The following ETV5 variants were observed in gnomAD, a reference collection of about 807,000 sequenced individuals.
The protein encoded by ETV5 is ETS variant transcription factor 5.
In ETV5, 10 loss-of-function variants were observed where a neutral mutation model predicts 70.0. The observed-to-expected ratio is 0.14, with a 90% CI of 0.09 to 0.24. ETV5 has a LOEUF of 0.24. Among genes scored for constraint, ETV5 ranks in the 10% least tolerant of loss-of-function variants. The pLI is 1.00. For missense variants in ETV5, 453 were observed against 651.2 expected, an observed-to-expected ratio of 0.70 and a Z score of 3.31; for synonymous variants, 216 against 242.2, an observed-to-expected ratio of 0.89 and a Z score of 1.01.
chr3:186,049,587 C>A (rs1013999454), intron 12 of ETV5, among the ~76,000 whole-genome samples: 1 of 152,152 alleles, frequency 6.6e-6, no homozygotes. Flanking sequence ...ACCCAATAAT[C>A]GGCTTCTGTC....
Position 186,064,448 on chromosome 3 carries a change from C to T in ETV5, c.939G>A (p.Met313Ile), listed in dbSNP as rs960183955. The change falls in exon 9 of 13, where the codon ATG becomes ATA. Residue 313 changes from methionine (M) to isoleucine (I), a missense_variant. Physicochemically the swap from Met to Ile is conservative, Grantham distance 10. Transcript: ENST00000306376. ...SEVPNCQSSY[M>I]RGGYFSSSHE... ...GGCTGCTGGAGAAATAACCCCCTCT[C>T]ATGTAGGATGACTGGCAGTTAGGCA... is the stretch of plus-strand genomic sequence containing the variant. 6 of 1,614,038 alleles carry T rather than the reference C, an allele frequency of 3.7e-6. No individual in the cohort carries two copies. The African/African-American group carries it at 8.0e-5, about 22-fold the overall frequency.
At chr3:186,064,903 C>T (rs531499759) in intron 8 of ETV5, among the ~76,000 whole-genome samples, 3 of 152,178 alleles carry the variant, frequency 2.0e-5, no homozygotes, top group African/African-American at 7.2e-5. Context: ...CTCCCCTTTA[C>T]TGCTGGTGGT....
At chr3:186,049,676 T>TGA (rs1712977629) in intron 12 of ETV5, among the ~76,000 whole-genome samples, 1 of 152,224 alleles carries the variant, frequency 6.6e-6, no homozygotes, top group African/African-American at 2.4e-5. Context: ...TGCAAACTGT[T>TGA]GAGTTTAATC....
intron 5 of ETV5, among the ~76,000 whole-genome samples, chr3:186,087,191 C>T (rs1159850939): frequency 2.6e-5 from 4 of 152,138 alleles, no homozygotes; most frequent in Admixed American, 2.6e-4. Flanking sequence ...TGCAATTATG[C>T]TTAACAACAT....
rs555039083 is a variant in ETV5, at chr3:186,046,540, T to C, written c.*2099A>G. On this transcript the variant is annotated 3_prime_UTR_variant, in exon 13 of 13. Coordinates refer to ENST00000306376, the MANE Select transcript of ETV5 (RefSeq NM_004454.3). ...CCATCCGGGAGGTGCATGAGTCCAA[T>C]GGGAATGCAACCGTGATGCCGCTGT... The C allele has an allele frequency of 3.1e-4, 72 of 231,468 alleles. No homozygotes were observed. The highest frequency in any genetic ancestry group is 2.6e-3 in the Middle Eastern group (2 of 776). 14.3% of individuals were successfully genotyped at this position (231,468 alleles called of 1,614,324 possible).
intron 5 of ETV5, among the ~76,000 whole-genome samples, chr3:186,082,672 G>C (rs969088310): frequency 3.9e-5 from 6 of 152,110 alleles, no homozygotes; most frequent in African/African-American, 1.4e-4. Flanking sequence ...ACCCACCTTG[G>C]CCTCCCAAAG....
intron 7 of ETV5, chr3:186,079,338 T>C: frequency 4.3e-6 from 1 of 229,974 alleles, no homozygotes; most frequent in East Asian, 6.3e-5. Flanking sequence ...GATGTACAAA[T>C]AAGGTCCTTA....
intron 1 of ETV5, chr3:186,108,588 C>T: frequency 1.6e-6 from 2 of 1,235,700 alleles, no homozygotes; most frequent in South Asian, 1.4e-5. Context: ...CTCCAAGTCC[C>T]CTCGGGGCTC....
At chr3:186,097,040 G>A (rs1714320553) in intron 5 of ETV5, among the ~76,000 whole-genome samples, 1 of 152,146 alleles carries the variant, frequency 6.6e-6, no homozygotes, top group Non-Finnish European at 1.5e-5. Flanking sequence ...AATCAATCAA[G>A]GCTGGATGCT....
At chr3:186,087,565 T>C (rs929418103) in intron 5 of ETV5, among the ~76,000 whole-genome samples, 1 of 152,196 alleles carries the variant, frequency 6.6e-6, no homozygotes, top group African/African-American at 2.4e-5. Flanking sequence ...TTTTAGAAAA[T>C]CTTTCTTCTG....
chr3:186,079,649 T>C (rs948632168), intron 7 of ETV5, among the ~76,000 whole-genome samples, 168 bp downstream of exon 7: 1 of 152,224 alleles, frequency 6.6e-6, no homozygotes, highest in Non-Finnish European at 1.5e-5. Flanking sequence ...CAGGGTGGTA[T>C]ATAAACAGTC....
intron 5 of ETV5, among the ~76,000 whole-genome samples, chr3:186,086,537 C>T (rs1348320713): frequency 1.3e-5 from 2 of 152,108 alleles, no homozygotes; most frequent in Admixed American, 1.3e-4. Flanking sequence ...AGGTCATTGG[C>T]TATGAGGTCA....
chr3:186,048,536 G>T lies in ETV5; in HGVS notation c.*103C>A. On this transcript the variant is annotated 3_prime_UTR_variant, in exon 13 of 13. Transcript: ENST00000306376. ...GGGTTCTCCAGATAATACTCAAAGG[G>T]CAAGCTTTAGGAACAACCAAAAACA... 1 of 1,058,834 alleles carries T rather than the reference G, an allele frequency of 9.4e-7. No individual in the cohort carries two copies. The highest frequency in any genetic ancestry group is 1.4e-6 in the Non-Finnish European group (1 of 703,074). 65.6% of individuals were successfully genotyped at this position (1,058,834 alleles called of 1,614,324 possible).
intron 5 of ETV5, among the ~76,000 whole-genome samples, chr3:186,100,785 C>G (rs980901474): frequency 1.3e-5 from 2 of 152,066 alleles, no homozygotes; most frequent in African/African-American, 4.8e-5. Context: ...GAGGCCATGA[C>G]TTTGAAATAA....
intron 5 of ETV5, among the ~76,000 whole-genome samples, chr3:186,088,323 G>A (rs906959137): frequency 6.6e-6 from 1 of 152,194 alleles, no homozygotes; most frequent in Non-Finnish European, 1.5e-5. Flanking sequence ...GGCTGGCCTA[G>A]GTCTCCAGAG....
intron 9 of ETV5, among the ~76,000 whole-genome samples, chr3:186,062,729 T>C (rs1350128723): frequency 6.6e-6 from 1 of 152,130 alleles, no homozygotes; most frequent in African/African-American, 2.4e-5. Context: ...GTCTGAAACA[T>C]AGTAAATGTT....
chr3:186,062,378 C>CT (rs1281979270), intron 9 of ETV5, among the ~76,000 whole-genome samples: 1 of 152,172 alleles, frequency 6.6e-6, no homozygotes. Context: ...ACATCTATCC[C>CT]TTGGGAGGCC....
intron 5 of ETV5, among the ~76,000 whole-genome samples, chr3:186,101,766 A>G (rs1048287853): frequency 3.3e-5 from 5 of 152,058 alleles, no homozygotes; most frequent in African/African-American, 1.2e-4. Context: ...TGCCCCCACT[A>G]CTGGTCAGTC....
intron 9 of ETV5, among the ~76,000 whole-genome samples, chr3:186,058,712 G>C (rs1713227066): frequency 6.6e-6 from 1 of 152,166 alleles, no homozygotes; most frequent in African/African-American, 2.4e-5. Flanking sequence ...TGGAGGAGTA[G>C]GAAATAAGTG....
Sources: gnomAD v4.1 joint callset for allele counts (sites outside exome capture counted in the v4.1 genomes callset) on GRCh38, gnomAD v4.1.1 for gene constraint, MANE v1.5 for transcripts, NCBI Gene and HGNC (gene_info 2026-07-23, HGNC 2026-07-21) for gene names.